Variants in GRM8 observed in about 807,000 individuals in gnomAD.
The protein encoded by GRM8 is metabotropic glutamate receptor 8.
GRM8 carries 47 observed loss-of-function variants against 87.2 expected under a neutral mutation model. The observed-to-expected ratio is 0.54, with a 90% CI of 0.43 to 0.69. The LOEUF (loss-of-function observed/expected upper bound fraction) is 0.69, where lower values mean the gene tolerates loss of function less well. GRM8 is among the 30% of genes least tolerant of loss of function. GRM8 has a pLI of 0.00. For synonymous variants in GRM8, 396 were observed against 404.5 expected, an observed-to-expected ratio of 0.98 and a Z score of 0.25; for missense variants, 1,019 against 1,139.2, an observed-to-expected ratio of 0.89 and a Z score of 1.52.
chr7:127,179,542 T>G (rs1416319566), intron 2 of GRM8, among the ~76,000 whole-genome samples: 1 of 152,000 alleles, frequency 6.6e-6, no homozygotes, highest in Admixed American at 6.6e-5. Context: ...AACCGCAAAA[T>G]ACACGTTCTA....
At chr7:126,656,223 G>C (rs1804511641) in intron 7 of GRM8, among the ~76,000 whole-genome samples, 1 of 152,190 alleles carries the variant, frequency 6.6e-6, no homozygotes, top group African/African-American at 2.4e-5. Flanking sequence ...CTTGCTGACT[G>C]TGCCCCACAC....
At chr7:126,935,050 G>A (rs1806165599) in intron 3 of GRM8, among the ~76,000 whole-genome samples, 1 of 152,164 alleles carries the variant, frequency 6.6e-6, no homozygotes. Context: ...TGTAATATGT[G>A]CTCAATAAAT....
At chr7:126,859,936 C>T (rs989835800) in intron 6 of GRM8, among the ~76,000 whole-genome samples, 4 of 152,062 alleles carry the variant, frequency 2.6e-5, no homozygotes, top group East Asian at 3.9e-4. Flanking sequence ...GTGTTAGACA[C>T]GAAAATGTAT....
At chr7:126,798,952 C>T (rs1460297811) in intron 6 of GRM8, among the ~76,000 whole-genome samples, 2 of 152,060 alleles carry the variant, frequency 1.3e-5, no homozygotes, top group Non-Finnish European at 2.9e-5. Flanking sequence ...CAAGGCAGAA[C>T]CTAGGTAGCA....
chr7:127,045,576 T>C (rs150998374), intron 3 of GRM8, among the ~76,000 whole-genome samples: 1 of 152,328 alleles, frequency 6.6e-6, no homozygotes, highest in Admixed American at 6.5e-5. Context: ...CTCTAATCCA[T>C]CTTCAATTTA....
At chr7:126,630,090 T>C (rs1372432177) in intron 7 of GRM8, among the ~76,000 whole-genome samples, 1 of 151,366 alleles carries the variant, frequency 6.6e-6, no homozygotes, top group African/African-American at 2.4e-5. Context: ...ATGAAATTCT[T>C]AACAAAAGCC....
At chr7:127,007,975 T>C (rs1053066978) in intron 3 of GRM8, among the ~76,000 whole-genome samples, 1 of 151,980 alleles carries the variant, frequency 6.6e-6, no homozygotes, top group African/African-American at 2.4e-5. Flanking sequence ...CTTAAAATTA[T>C]AATAGGCACC....
At chr7:126,804,627 G>A (rs1254338190) in intron 6 of GRM8, among the ~76,000 whole-genome samples, 2 of 152,092 alleles carry the variant, frequency 1.3e-5, no homozygotes, top group African/African-American at 2.4e-5. Context: ...TCCATTCAAC[G>A]AAGACACCTG....
chr7:127,056,866 T>C (rs573478904), intron 3 of GRM8, among the ~76,000 whole-genome samples: 1 of 152,342 alleles, frequency 6.6e-6, no homozygotes, highest in South Asian at 2.1e-4. Flanking sequence ...CATGAAATTT[T>C]GGTACATTTT....
intron 1 of GRM8, among the ~76,000 whole-genome samples, chr7:127,247,538 T>C (rs1442442263): frequency 6.6e-6 from 1 of 152,150 alleles, no homozygotes. Context: ...GCATCGTATT[T>C]CTGTATCATC....
intron 7 of GRM8, among the ~76,000 whole-genome samples, chr7:126,635,505 G>A (rs1363734733): frequency 6.6e-6 from 1 of 152,054 alleles, no homozygotes; most frequent in Non-Finnish European, 1.5e-5. Context: ...GAGTTTTAAT[G>A]CAGTTATTTG....
chr7:127,200,910 T>G (rs1795551793), intron 2 of GRM8, among the ~76,000 whole-genome samples: 2 of 152,250 alleles, frequency 1.3e-5, no homozygotes, highest in Middle Eastern at 3.4e-3. Context: ...ACATATGGAG[T>G]GCAAAACTAC....
intron 9 of GRM8, among the ~76,000 whole-genome samples, chr7:126,495,125 G>C (rs1488406049): frequency 1.3e-5 from 2 of 151,982 alleles, no homozygotes; most frequent in African/African-American, 4.8e-5. Flanking sequence ...TTCTGGTACA[G>C]AGCCAGGTCC....
At chr7:126,936,862 A>G (rs1806388230) in intron 3 of GRM8, among the ~76,000 whole-genome samples, 1 of 152,156 alleles carries the variant, frequency 6.6e-6, no homozygotes, top group Non-Finnish European at 1.5e-5. Context: ...CTTGATTGAG[A>G]CCATTGGGTA....
intron 8 of GRM8, among the ~76,000 whole-genome samples, chr7:126,603,489 A>C (rs1270775295): frequency 6.6e-6 from 1 of 151,714 alleles, no homozygotes; most frequent in African/African-American, 2.4e-5. Context: ...AGAAAACCCC[A>C]TTGTCTCAGC....
intron 3 of GRM8, among the ~76,000 whole-genome samples, chr7:127,008,579 T>C (rs1563406646): frequency 1.3e-5 from 2 of 152,180 alleles, no homozygotes. Flanking sequence ...TCAGTGTTTG[T>C]TCAGACAAAC....
intron 9 of GRM8, among the ~76,000 whole-genome samples, chr7:126,508,378 A>G (rs1005413104): frequency 1.3e-5 from 2 of 152,000 alleles, no homozygotes; most frequent in Non-Finnish European, 2.9e-5. Context: ...GGTAGAAAGT[A>G]GAATGACAAA....
intron 3 of GRM8, among the ~76,000 whole-genome samples, chr7:127,047,267 G>C (rs1819020483): frequency 6.6e-6 from 1 of 152,014 alleles, no homozygotes; most frequent in Non-Finnish European, 1.5e-5. Flanking sequence ...CTAAAATATT[G>C]ACCATTTGAC....
At chr7:126,471,974 A>C (rs910297760) in intron 9 of GRM8, among the ~76,000 whole-genome samples, 11 of 152,232 alleles carry the variant, frequency 7.2e-5, no homozygotes, top group Non-Finnish European at 1.0e-4. Context: ...GAGTTCACTC[A>C]TGATTTGGCT....
Sources: gnomAD v4.1 joint callset for allele counts (sites outside exome capture counted in the v4.1 genomes callset) on GRCh38, gnomAD v4.1.1 for gene constraint, MANE v1.5 for transcripts, NCBI Gene and HGNC (gene_info 2026-07-23, HGNC 2026-07-21) for gene names.